The following ARHGEF17 variants were observed in gnomAD, a reference collection of about 807,000 sequenced individuals.
ARHGEF17 encodes the protein 164 kDa Rho-specific guanine-nucleotide exchange factor.
A neutral mutation model predicts 174.0 loss-of-function variants in ARHGEF17; 80 were observed. That is an observed-to-expected ratio of 0.46 (90% CI 0.38 to 0.55). The LOEUF is 0.55. Ranked by LOEUF, ARHGEF17 falls within the 20% of genes least tolerant of loss-of-function variation. The pLI, the probability that ARHGEF17 is intolerant of heterozygous loss-of-function variation, is 0.00. For missense variants in ARHGEF17, 2,886 were observed against 2,839.7 expected, an observed-to-expected ratio of 1.02 and a Z score of -0.37; for synonymous variants, 1,311 against 1,189.1, an observed-to-expected ratio of 1.10 and a Z score of -2.11.
rs771217361 is a variant in ARHGEF17, at chr11:73,360,460, C to T, written c.4347C>T (p.Tyr1449=). 2 of 1,614,100 alleles carry T rather than the reference C, an allele frequency of 1.2e-6. No homozygotes were observed. The highest frequency in any genetic ancestry group is 1.1e-5 in the South Asian group (1 of 91,088). ...CTCGGCCCGAGGGCACCGACTCCTA[C>T]ATTTTTGAGTTCCCTCACCCTGACG... ...CATRPEGTDS[Y]IFEFPHPDAR... is the part of the protein sequence containing the mutation. The change falls in exon 11 of 21, where the codon TAC becomes TAT. Residue 1449 remains tyrosine (Y), a synonymous_variant. Transcript: ENST00000263674.
chr11:73,333,703 G>GT (rs1565195615), intron 1 of ARHGEF17, among the ~76,000 whole-genome samples: 2 of 152,168 alleles, frequency 1.3e-5, no homozygotes, highest in Non-Finnish European at 2.9e-5. Flanking sequence ...CTGGAACAGG[G>GT]TGGGAGTAGG....
Position 73,311,792 on chromosome 11 carries a change from C to T in ARHGEF17, c.3154C>T (p.Pro1052Ser), listed in dbSNP as rs1476662317. The T allele has an allele frequency of 6.2e-7, 1 of 1,607,928 alleles. No individual in the cohort carries two copies. Among genetic ancestry groups the T allele is most frequent in the Admixed American group, 1.7e-5 (1 of 59,874 alleles). ...TGAGGCAGCTCGGCCTGCAGATGAG[C>T]CTACCCCTGCCAGCAAGTGCTGCAG... The part of the protein sequence containing the change: ...PPEAARPADE[P>S]TPASKCCSKP... Residue 1052 changes from proline to serine, a missense_variant, in exon 1 of 21, where the codon CCT becomes TCT. Coordinates refer to ENST00000263674, the MANE Select transcript of ARHGEF17 (RefSeq NM_014786.4).
chr11:73,347,919 G>A (rs549742810), intron 2 of ARHGEF17, among the ~76,000 whole-genome samples: 33 of 152,296 alleles, frequency 2.2e-4, no homozygotes, highest in Non-Finnish European at 3.5e-4. Context: ...TGGTTGTGGG[G>A]GGCAAGGTGG....
chr11:73,355,506 G>T (rs1865622500), intron 3 of ARHGEF17, 27 bp from the exon 4 acceptor site: 2 of 1,557,266 alleles, frequency 1.3e-6, no homozygotes, highest in African/African-American at 1.4e-5. Flanking sequence ...CACCTTGAGG[G>T]TCCCCAACCT....
intron 1 of ARHGEF17, among the ~76,000 whole-genome samples, chr11:73,313,280 G>A (rs1019513958): frequency 6.6e-6 from 1 of 152,122 alleles, no homozygotes; most frequent in African/African-American, 2.4e-5. Flanking sequence ...GGCAGCTCCG[G>A]TGCCCCTGAA....
At chr11:73,364,001 G>A (rs1865794639) in intron 16 of ARHGEF17, among the ~76,000 whole-genome samples, 168 bp downstream of exon 16, 1 of 152,156 alleles carries the variant, frequency 6.6e-6, no homozygotes, top group Admixed American at 6.5e-5. Flanking sequence ...GTGTGAGCTC[G>A]GGCAAGTCAC....
chr11:73,338,218 C>T lies in ARHGEF17; in HGVS notation c.3193-8665C>T, dbSNP rs371776595. Among the ~76,000 whole-genome samples, 32 of 152,040 alleles carry T rather than the reference C, an allele frequency of 2.1e-4. 3 individuals carry two copies. Among genetic ancestry groups the T allele is most frequent in the Admixed American group, 1.4e-3 (21 of 15,276 alleles). On this transcript the variant is annotated intron_variant, in intron 1 of 20. Transcript: ENST00000263674. ...TAGGGGGATGGGAAGAAGACAGAGT[C>T]CTCAAGCAGGAACAGATGGAGAGAC...
intron 1 of ARHGEF17, among the ~76,000 whole-genome samples, chr11:73,328,721 CT>C (rs1865143255): frequency 6.6e-6 from 1 of 152,236 alleles, no homozygotes; most frequent in African/African-American, 2.4e-5. Flanking sequence ...GCAGTGCCCC[CT>C]GTTCTCTGGT....
In ARHGEF17 at chr11:73,308,888, C is replaced by G. The variant is rs1256365113; in HGVS notation, c.250C>G (p.Gln84Glu). ...CCGCAGCCTCTCGCCGTCGGTTCGC[C>G]AGCTCTCCCGGCGCTTCGACGCGCC... ...PLRSLSPSVRQLSRRFDAPRL... is the reference protein window; with the variant it reads ...PLRSLSPSVRELSRRFDAPRL... Residue 84 changes from glutamine to glutamate, a missense_variant, in exon 1 of 21, where the codon CAG becomes GAG. Physicochemically the swap from Gln to Glu is conservative, Grantham distance 29. Transcript: ENST00000263674. The G allele has an allele frequency of 7.3e-7, 1 of 1,364,442 alleles. No homozygotes were observed. The highest frequency in any genetic ancestry group is 9.4e-7 in the Non-Finnish European group (1 of 1,065,144). 84.5% of individuals were successfully genotyped at this position (1,364,442 alleles called of 1,614,324 possible). A position where few individuals can be genotyped will look rare whatever the true frequency, so the allele number is the denominator to read the frequency against.
At chr11:73,323,082 C>T (rs1226846165) in intron 1 of ARHGEF17, among the ~76,000 whole-genome samples, 1 of 152,106 alleles carries the variant, frequency 6.6e-6, no homozygotes, top group African/African-American at 2.4e-5. Context: ...CCTCTGTGCC[C>T]AGCAAGCCTC....
chr11:73,338,421 G>A (rs763801744), intron 1 of ARHGEF17, among the ~76,000 whole-genome samples: 3 of 152,156 alleles, frequency 2.0e-5, no homozygotes, highest in African/African-American at 7.2e-5. Flanking sequence ...GGAAGGCAGC[G>A]GCTGTCAGGG....
chr11:73,347,146 G>A (rs914578528), intron 2 of ARHGEF17, 186 bp downstream of exon 2: 18 of 719,636 alleles, frequency 2.5e-5, no homozygotes, highest in Non-Finnish European at 3.7e-5. Context: ...GGCTTCTCCC[G>A]GGCAAGAGAG....
rs906357021 is a variant in ARHGEF17 at position 73,361,177 on chromosome 11, G to A, written c.4494+16G>A. On this transcript the variant is annotated intron_variant, in intron 12 of 20. Transcript: ENST00000263674. ...TGGCATGCAGGTATGTCTGCATCTG[G>A]GTCACTTGGGTACATGTTTTCAAAG... The A allele has an allele frequency of 6.2e-7, 1 of 1,612,594 alleles. No individual in the cohort carries two copies. Among genetic ancestry groups the A allele is most frequent in the African/African-American group, 1.3e-5 (1 of 74,876 alleles).
At chr11:73,344,696 G>A (rs1172475910) in intron 1 of ARHGEF17, among the ~76,000 whole-genome samples, 1 of 152,222 alleles carries the variant, frequency 6.6e-6, no homozygotes, top group Non-Finnish European at 1.5e-5. Flanking sequence ...TTGCCTTCAC[G>A]GTGATGGGAG....
Position 73,359,856 on chromosome 11 carries a change from G to T in ARHGEF17, c.4110G>T (p.Arg1370=). 6.2e-7 allele frequency: 1 copy of T among 1,612,186 alleles called. No individual in the cohort carries two copies. The highest frequency in any genetic ancestry group is 8.5e-7 in the Non-Finnish European group (1 of 1,179,088). Reference sequence around the variant, plus strand: ...TAGGGGCATCCCAAGCCACCAATCGGGAGAACATCCAGAAGGCCATCAGCC... The same window carrying T: ...TAGGGGCATCCCAAGCCACCAATCGTGAGAACATCCAGAAGGCCATCAGCC... ...IIKGASQATN[R]ENIQKAISRL... The change falls in exon 10 of 21, where the codon CGG becomes CGT. Residue 1370 remains arginine (R), a synonymous_variant. Coordinates refer to ENST00000263674, the MANE Select transcript of ARHGEF17 (RefSeq NM_014786.4).
rs1865661250 is a variant in ARHGEF17 at position 73,357,326 on chromosome 11, A to T, written c.4086A>T (p.Lys1362Asn). The change falls in exon 9 of 21, where the codon AAA (lysine) becomes AAT (asparagine). Residue 1362 changes from lysine (K) to asparagine (N), a missense_variant and splice_region_variant. This residue lies in a region of ARHGEF17 where 353 missense variants were observed against 470.3 expected (regional missense o/e 0.75). Coordinates refer to ENST00000263674, the MANE Select transcript of ARHGEF17 (RefSeq NM_014786.4). ...KLPLEDADIIKGASQATNREN... is the reference protein window; with the variant it reads ...KLPLEDADIINGASQATNREN... ...CGCTGGAAGACGCAGACATCATCAA[A>T]GGTGGGTTTGATGCTAGGGGTTCTG... 6.2e-7 allele frequency: 1 copy of T among 1,613,374 alleles called. No individual in the cohort carries two copies. The highest frequency in any genetic ancestry group is 8.5e-7 in the Non-Finnish European group (1 of 1,179,706).
chr11:73,337,637 C>T (rs1865307590), intron 1 of ARHGEF17, among the ~76,000 whole-genome samples: 2 of 152,074 alleles, frequency 1.3e-5, no homozygotes, highest in Admixed American at 1.3e-4. Flanking sequence ...CCAGGCTGGT[C>T]TCGAACTCCT....
At chr11:73,341,432 G>A (rs954600377) in intron 1 of ARHGEF17, among the ~76,000 whole-genome samples, 5 of 151,782 alleles carry the variant, frequency 3.3e-5, no homozygotes, top group Admixed American at 2.0e-4. Context: ...TCAGCCTCCC[G>A]AGTAGCTGGG....
chr11:73,312,811 C>T (rs1444854742), intron 1 of ARHGEF17, among the ~76,000 whole-genome samples: 2 of 151,958 alleles, frequency 1.3e-5, no homozygotes, highest in African/African-American at 4.8e-5. Flanking sequence ...TGAGATGCAC[C>T]CCGTTTCTGC....
Sources: allele counts gnomAD v4.1 joint callset (sites outside exome capture counted in the v4.1 genomes callset), GRCh38; gene constraint gnomAD v4.1.1; regional missense constraint gnomAD v4.1.1; transcripts MANE v1.5; gene names NCBI Gene and HGNC (gene_info 2026-07-23, HGNC 2026-07-21).